ABCA4: variants seen among roughly 807,000 people sequenced by gnomAD.
ABCA4 encodes the protein ATP binding cassette subfamily A member 4.
Under a neutral mutation model 263.7 loss-of-function variants are expected in ABCA4, and 196 were observed. The observed-to-expected ratio is 0.74, with a 90% CI of 0.66 to 0.84. The LOEUF (loss-of-function observed/expected upper bound fraction) is 0.84. Ranked by LOEUF, ABCA4 falls within the 40% of genes least tolerant of loss-of-function variation. The pLI, the probability that ABCA4 is intolerant of heterozygous loss-of-function variation, is 0.00. For synonymous variants in ABCA4, 1,133 were observed against 1,094.2 expected (o/e 1.04, Z -0.70); for missense variants, 2,792 against 2,855.1 (o/e 0.98, Z 0.50).
At chr1:94,003,624 C>A (rs1659276990) in intron 44 of ABCA4, among the ~76,000 whole-genome samples, 2 of 152,186 alleles carry the variant, frequency 1.3e-5, no homozygotes, top group South Asian at 2.1e-4. Flanking sequence ...ACTTTTATTT[C>A]TTTAAAATTA....
In ABCA4 at chr1:94,040,063, G is replaced by C; in HGVS notation, c.3587C>G (p.Thr1196Ser). ...CTTACCATCCAGGACTTGTTCTGGA[G>C]TTAGGTCATCGACGTGGGCTGGACA... Reference protein sequence around the residue: ...TTCPAHVDDLTPEQVLDGDVN... With the variant: ...TTCPAHVDDLSPEQVLDGDVN... The change falls in exon 24 of 50, where the codon ACT becomes AGT. Residue 1196 changes from threonine (T) to serine (S), a missense_variant. Physicochemically the swap from Thr to Ser is moderately conservative, Grantham distance 58. Transcript: ENST00000370225. 1 of 1,607,916 alleles carries C rather than the reference G, an allele frequency of 6.2e-7. No homozygotes were observed. The highest frequency in any genetic ancestry group is 2.2e-5 in the East Asian group (1 of 44,822).
chr1:94,091,236 G>A (rs1043322113), intron 6 of ABCA4, among the ~76,000 whole-genome samples: 9 of 151,992 alleles, frequency 5.9e-5, no homozygotes, highest in East Asian at 3.9e-4. Flanking sequence ...CTCCAGTTAC[G>A]TGCCTGGTGC....
chr1:94,109,261 C>G (rs1283980954), intron 3 of ABCA4, among the ~76,000 whole-genome samples: 1 of 152,240 alleles, frequency 6.6e-6, no homozygotes, highest in South Asian at 2.1e-4. Flanking sequence ...CGGTCCCATG[C>G]TCTGTGTGTC....
At chr1:94,083,221 A>G (rs1661745847) in intron 7 of ABCA4, 131 bp downstream of exon 7, 2 of 884,210 alleles carry the variant, frequency 2.3e-6, no homozygotes, top group Non-Finnish European at 3.7e-6. Flanking sequence ...GTGCTTTGAA[A>G]TTGCTAGATG....
In ABCA4 at chr1:94,120,129, T is replaced by G. The variant is rs141378638; in HGVS notation, c.66+851A>C. Among the ~76,000 whole-genome samples the G allele has an allele frequency of 1.9e-3, 296 of 152,350 alleles. 1 individual carries two copies. The highest frequency in any genetic ancestry group is 6.1e-3 in the African/African-American group (255 of 41,582). On this transcript the variant is annotated intron_variant, in intron 1 of 49. Coordinates refer to ENST00000370225, the MANE Select transcript of ABCA4 (RefSeq NM_000350.3). ...CCAGAAAAAATTGCACAAAGCCAGTTGTCATTTACAAGTACAGTCTTGGTG... is the reference window on the plus strand; with the variant it reads ...CCAGAAAAAATTGCACAAAGCCAGTGGTCATTTACAAGTACAGTCTTGGTG...
intron 31 of ABCA4, 128 bp from the exon 32 acceptor site, chr1:94,023,546 T>A (rs1013418938): frequency 2.4e-6 from 2 of 829,622 alleles, no homozygotes; most frequent in African/African-American, 3.4e-5. Context: ...TTTTCCGATA[T>A]CCAAGCAATG....
intron 6 of ABCA4, 142 bp downstream of exon 6, chr1:94,098,652 A>AT: frequency 3.1e-6 from 3 of 965,786 alleles, no homozygotes; most frequent in Non-Finnish European, 4.8e-6. Context: ...ATCAGTTGTG[A>AT]TTTTTTGAGC....
chr1:94,065,766 G>A (rs1570396233), intron 11 of ABCA4, among the ~76,000 whole-genome samples: 1 of 152,208 alleles, frequency 6.6e-6, no homozygotes, highest in African/African-American at 2.4e-5. Context: ...ACACCACGCT[G>A]ATGAGATATT....
At chr1:94,013,854 G>A (rs915471819) in intron 38 of ABCA4, among the ~76,000 whole-genome samples, 6 of 152,206 alleles carry the variant, frequency 3.9e-5, no homozygotes, top group South Asian at 4.1e-4. Context: ...GAGAAAGACC[G>A]TATAGGGATC....
intron 6 of ABCA4, among the ~76,000 whole-genome samples, chr1:94,097,999 C>T (rs554750295): frequency 1.4e-4 from 22 of 152,276 alleles, no homozygotes; most frequent in African/African-American, 3.9e-4. Flanking sequence ...CCTCATGATC[C>T]GCCCGCCTCG....
At chr1:94,082,021 T>C (rs916432848) in intron 7 of ABCA4, among the ~76,000 whole-genome samples, 5 of 152,228 alleles carry the variant, frequency 3.3e-5, no homozygotes, top group African/African-American at 9.6e-5. Context: ...CAATAAGCCA[T>C]GTTTACGTGT....
intron 1 of ABCA4, among the ~76,000 whole-genome samples, chr1:94,117,060 C>T (rs1484095996): frequency 2.2e-5 from 3 of 134,692 alleles, no homozygotes; most frequent in African/African-American, 5.6e-5. Flanking sequence ...CCTTTCTTTC[C>T]TTTCTCTCTC....
Position 94,007,625 on chromosome 1 carries a change from G to T in ABCA4, c.6005+9C>A. ...AGACTCCCTGAGACAGGAGGAGCAG[G>T]ATACTCACCTCTTGCCTGCTACGGT... On this transcript the variant is annotated intron_variant, in intron 43 of 49. Coordinates refer to ENST00000370225, the MANE Select transcript of ABCA4 (RefSeq NM_000350.3). 2 of 1,607,880 alleles carry T rather than the reference G, an allele frequency of 1.2e-6. No homozygotes were observed. The highest frequency in any genetic ancestry group is 8.5e-7 in the Non-Finnish European group (1 of 1,174,376).
At chr1:93,999,365 C>T (rs746166581) in intron 47 of ABCA4, among the ~76,000 whole-genome samples, 2 of 152,176 alleles carry the variant, frequency 1.3e-5, no homozygotes, top group Admixed American at 1.3e-4. Context: ...AGTTTTAGCC[C>T]AGTGTGGGGA....
Position 94,060,580 on chromosome 1 carries a change from G to C in ABCA4, c.2117C>G (p.Ser706Cys), listed in dbSNP as rs766854135. 1 of 1,614,190 alleles carries C rather than the reference G, an allele frequency of 6.2e-7. No homozygotes were observed. Among genetic ancestry groups the C allele is most frequent in the Non-Finnish European group, 8.5e-7 (1 of 1,180,034 alleles). The change falls in exon 14 of 50, where the codon TCC becomes TGC. Residue 706 changes from serine to cysteine, a missense_variant. By Grantham distance (112) the Ser-to-Cys change is moderately radical. Coordinates refer to ENST00000370225, the MANE Select transcript of ABCA4 (RefSeq NM_000350.3). ...IWCTWFLDSFSIMSMSIFLLT... is the reference protein window; with the variant it reads ...IWCTWFLDSFCIMSMSIFLLT... ...GAGGAAGATGCTCATCGACATGATG[G>C]AGAAGCTGTCCAGGAACCAGGTACA...
intron 44 of ABCA4, among the ~76,000 whole-genome samples, chr1:94,004,793 G>C (rs986286043): frequency 3.3e-5 from 5 of 151,738 alleles, no homozygotes; most frequent in Non-Finnish European, 7.4e-5. Context: ...TTTTCTTCTT[G>C]TTGATCACCA....
intron 3 of ABCA4, 125 bp from the exon 4 acceptor site, chr1:94,108,841 C>T (rs1261747126): frequency 1.9e-5 from 23 of 1,192,820 alleles, no homozygotes; most frequent in Middle Eastern, 2.8e-4. Flanking sequence ...GGCGTGATCT[C>T]GGCTCACTGC....
chr1:94,057,154 G>A (rs1437289419), intron 14 of ABCA4, among the ~76,000 whole-genome samples: 1 of 152,092 alleles, frequency 6.6e-6, no homozygotes, highest in Non-Finnish European at 1.5e-5. Flanking sequence ...CTGTAATCAG[G>A]GACTTTCCAC....
intron 44 of ABCA4, 35 bp downstream of exon 44, chr1:94,005,405 CA>C (rs762697801): frequency 3.3e-5 from 54 of 1,613,850 alleles, no homozygotes; most frequent in Non-Finnish European, 4.6e-5. Context: ...TGTAATTAAC[CA>C]GACTCCTATG....
Sources: allele counts gnomAD v4.1 joint callset (sites outside exome capture counted in the v4.1 genomes callset), GRCh38; gene constraint gnomAD v4.1.1; transcripts MANE v1.5; gene names NCBI Gene and HGNC (gene_info 2026-07-23, HGNC 2026-07-21).